Variants in TYW1B observed in about 807,000 individuals in gnomAD.
TYW1B encodes tRNA-yW synthesizing protein 1 homolog B.
TYW1B carries 73 observed loss-of-function variants against 86.9 expected under a neutral mutation model. The observed-to-expected ratio is 0.84, with a 90% CI of 0.70 to 1.02. TYW1B has a LOEUF of 1.02. TYW1B is among the 50% of genes least tolerant of loss of function. The pLI is 0.00. For missense variants in TYW1B, 637 were observed against 827.4 expected (o/e 0.77, Z 2.82); for synonymous variants, 248 against 292.8 (o/e 0.85, Z 1.56).
chr7:72,656,915 A>G (rs1397893145), intron 11 of TYW1B, among the ~76,000 whole-genome samples: 2 of 152,204 alleles, frequency 1.3e-5, no homozygotes, highest in Admixed American at 1.3e-4. Flanking sequence ...ATCTGTCTCC[A>G]TGACCTAAAC....
chr7:72,613,401 CTT>C (rs71517349), intron 13 of TYW1B, among the ~76,000 whole-genome samples: 9 of 80,976 alleles, frequency 1.1e-4, no homozygotes, highest in South Asian at 4.8e-4. Flanking sequence ...TTTATATCTT[CTT>C]TTTTTTTTTT....
chr7:72,646,255 G>T (rs1452225993), intron 11 of TYW1B, among the ~76,000 whole-genome samples: 2 of 151,974 alleles, frequency 1.3e-5, no homozygotes, highest in East Asian at 3.9e-4. Flanking sequence ...TAGAGATGGG[G>T]TGTCGCTATA....
intron 6 of TYW1B, among the ~76,000 whole-genome samples, chr7:72,790,543 A>G (rs1426463570): frequency 6.6e-6 from 1 of 152,160 alleles, no homozygotes; most frequent in Non-Finnish European, 1.5e-5. Context: ...CTCCTCCTCC[A>G]GTCCCTGCCC....
rs139255700 is a variant in TYW1B, at chr7:72,719,528, G to A, written c.1193-5730C>T. 6.7e-3 allele frequency among the ~76,000 whole-genome samples: 1,017 copies of A among 151,302 alleles called. 13 individuals carry two copies. Among genetic ancestry groups the A allele is most frequent in the African/African-American group, 0.021 (876 of 41,220 alleles). ...TGCCTGTAATCCTAGCTATTCGGGAGGCTGAGCCAGGAGAATTGCTTGAAC... is the reference window on the plus strand; with the variant it reads ...TGCCTGTAATCCTAGCTATTCGGGAAGCTGAGCCAGGAGAATTGCTTGAAC... On this transcript the variant is annotated intron_variant, in intron 9 of 13. Coordinates refer to ENST00000620995, the MANE Select transcript of TYW1B (RefSeq NM_001145440.3).
At chr7:72,744,439 A>G in intron 8 of TYW1B, 45 bp downstream of exon 8, 1 of 1,553,730 alleles carries the variant, frequency 6.4e-7, no homozygotes, top group Non-Finnish European at 8.9e-7. Flanking sequence ...TGATTACCAC[A>G]GCTCATTACA....
At chr7:72,693,304 G>T (rs1300037899) in intron 11 of TYW1B, among the ~76,000 whole-genome samples, 1 of 151,946 alleles carries the variant, frequency 6.6e-6, no homozygotes, top group African/African-American at 2.4e-5. Flanking sequence ...TGCAGAAAAT[G>T]ACATTCAATG....
intron 5 of TYW1B, among the ~76,000 whole-genome samples, chr7:72,804,716 T>C (rs1788464112): frequency 1.3e-5 from 2 of 152,112 alleles, no homozygotes; most frequent in Non-Finnish European, 2.9e-5. Context: ...GGTGCATGCC[T>C]GTAGGCCCAG....
In TYW1B at chr7:72,606,951, T is replaced by C. The variant is rs529417988; in HGVS notation, c.1785+9721A>G. 2.2e-4 allele frequency among the ~76,000 whole-genome samples: 34 copies of C among 152,038 alleles called. 1 individual carries two copies. Among genetic ancestry groups the C allele is most frequent in the Non-Finnish European group, 1.8e-4 (12 of 68,014 alleles). On this transcript the variant is annotated intron_variant, in intron 13 of 13. Coordinates refer to ENST00000620995, the MANE Select transcript of TYW1B (RefSeq NM_001145440.3). ...AAAATGTCTGAGAAACAACTGAAAA[T>C]CACTTATCACACCTAGAAACAGGAA...
At chr7:72,665,685 G>T (rs1278030832) in intron 11 of TYW1B, among the ~76,000 whole-genome samples, 1 of 152,184 alleles carries the variant, frequency 6.6e-6, no homozygotes, top group East Asian at 1.9e-4. Flanking sequence ...TTGCTCCATT[G>T]TGTTCAGTGG....
intron 6 of TYW1B, among the ~76,000 whole-genome samples, chr7:72,802,198 GA>G (rs1326477475): frequency 2.0e-5 from 3 of 152,020 alleles, no homozygotes; most frequent in Non-Finnish European, 4.4e-5. Context: ...CTTATCCTCT[GA>G]TGAGCTGACT....
At chr7:72,747,626 T>C (rs1159971372) in intron 7 of TYW1B, among the ~76,000 whole-genome samples, 5 of 152,206 alleles carry the variant, frequency 3.3e-5, no homozygotes, top group Admixed American at 3.3e-4. Flanking sequence ...TTCCTCCCAG[T>C]TCTTTCTTCT....
At chr7:72,639,409 C>T (rs1162628206) in intron 11 of TYW1B, among the ~76,000 whole-genome samples, 1 of 152,070 alleles carries the variant, frequency 6.6e-6, no homozygotes. Context: ...TCAAGTGATC[C>T]TCCTACCTTG....
intron 13 of TYW1B, among the ~76,000 whole-genome samples, chr7:72,614,014 G>A (rs1366450458): frequency 3.4e-5 from 5 of 147,858 alleles, no homozygotes; most frequent in Non-Finnish European, 7.5e-5. Flanking sequence ...GGGGGGTGGG[G>A]GGCAGGGGTG....
intron 11 of TYW1B, among the ~76,000 whole-genome samples, chr7:72,683,863 A>G (rs1402712842): frequency 6.6e-6 from 1 of 152,182 alleles, no homozygotes; most frequent in East Asian, 1.9e-4. Flanking sequence ...ACAAGAACAG[A>G]TGGACAATGT....
At chr7:72,752,676 A>G (rs1003808607) in intron 7 of TYW1B, among the ~76,000 whole-genome samples, 15 of 152,182 alleles carry the variant, frequency 9.9e-5, no homozygotes, top group Admixed American at 2.0e-4. Context: ...GGTAGCAGTG[A>G]GCCAAGATTG....
At chr7:72,651,825 A>G (rs1287647449) in intron 11 of TYW1B, among the ~76,000 whole-genome samples, 6 of 152,242 alleles carry the variant, frequency 3.9e-5, no homozygotes, top group African/African-American at 1.4e-4. Context: ...AATTATTTCA[A>G]TATCACAAAT....
chr7:72,603,072 C>A (rs1554434102), intron 13 of TYW1B, among the ~76,000 whole-genome samples: 2 of 151,718 alleles, frequency 1.3e-5, no homozygotes, highest in East Asian at 3.9e-4. Flanking sequence ...CAGGCAGACA[C>A]AGAAAGACAG....
chr7:72,703,768 T>A (rs1186508136), intron 10 of TYW1B, among the ~76,000 whole-genome samples: 1 of 150,292 alleles, frequency 6.7e-6, no homozygotes, highest in Non-Finnish European at 1.5e-5. Flanking sequence ...GGTGGGAGAA[T>A]CACTTGAATT....
intron 12 of TYW1B, among the ~76,000 whole-genome samples, chr7:72,623,429 C>G (rs1392621746): frequency 6.6e-6 from 1 of 152,078 alleles, no homozygotes; most frequent in African/African-American, 2.4e-5. Context: ...GGGTAAGGCC[C>G]TGGAGAGACT....
Sources: gnomAD v4.1 joint callset for allele counts (sites outside exome capture counted in the v4.1 genomes callset) on GRCh38, gnomAD v4.1.1 for gene constraint, MANE v1.5 for transcripts, NCBI Gene and HGNC (gene_info 2026-07-23, HGNC 2026-07-21) for gene names.